Variants in PIWIL1 observed in about 807,000 individuals in gnomAD.
PIWIL1 encodes piwi-like protein 1.
A neutral mutation model predicts 114.4 loss-of-function variants in PIWIL1; 73 were observed. The observed-to-expected ratio is 0.64, with a 90% CI of 0.53 to 0.78. PIWIL1 has a LOEUF of 0.78. PIWIL1 is among the 30% of genes least tolerant of loss of function. The pLI, the probability that PIWIL1 is intolerant of heterozygous loss-of-function variation, is 0.00. For synonymous variants in PIWIL1, 375 were observed against 369.0 expected, an observed-to-expected ratio of 1.02 and a Z score of -0.19; for missense variants, 723 against 1,063.1, an observed-to-expected ratio of 0.68 and a Z score of 4.45.
chr12:130,352,421 G>A (rs1248737462), intron 9 of PIWIL1, among the ~76,000 whole-genome samples: 2 of 152,198 alleles, frequency 1.3e-5, no homozygotes, highest in Non-Finnish European at 2.9e-5. Flanking sequence ...GGTCATGCCT[G>A]CAATCCCAGC....
chr12:130,400,373 C>A, the PIWIL1 span, among the ~76,000 whole-genome samples: 2 of 152,206 alleles, frequency 1.3e-5, no homozygotes, highest in Non-Finnish European at 2.9e-5. Context: ...CTGTTGATAA[C>A]CTCCTCAGAC....
chr12:130,362,896 C>G (rs2073552606), intron 17 of PIWIL1, 60 bp downstream of exon 17: 1 of 1,609,424 alleles, frequency 6.2e-7, no homozygotes, highest in African/African-American at 1.3e-5. Flanking sequence ...AGAAATTACC[C>G]TGAACTGTGT....
At chr12:130,407,848 G>A in the PIWIL1 span, 8 of 1,601,352 alleles carry the variant, frequency 5.0e-6, no homozygotes, top group Admixed American at 1.2e-4. Flanking sequence ...ATCACAAGGG[G>A]GAAAGAAATC....
At chr12:130,372,727 C>T (rs897418668), downstream of PIWIL1, 5 of 147,892 alleles carry the variant, frequency 3.4e-5, no homozygotes, top group African/African-American at 1.3e-4. Flanking sequence ...AGTATAAGAA[C>T]GGGTATCCAC....
intron 19 of PIWIL1, among the ~76,000 whole-genome samples, chr12:130,369,963 G>A (rs1454726622): frequency 1.3e-5 from 2 of 152,162 alleles, no homozygotes; most frequent in Non-Finnish European, 2.9e-5. Context: ...AAAGTCATCT[G>A]TAATCACCAG....
At chr12:130,350,230 G>A (rs910230875) in intron 9 of PIWIL1, among the ~76,000 whole-genome samples, 1 of 152,172 alleles carries the variant, frequency 6.6e-6, no homozygotes, top group African/African-American at 2.4e-5. Context: ...GAAGCCTATG[G>A]AGGACAAGTA....
chr12:130,357,911 A>G (rs1484024374), intron 14 of PIWIL1, among the ~76,000 whole-genome samples: 3 of 152,206 alleles, frequency 2.0e-5, no homozygotes, highest in East Asian at 1.9e-4. Flanking sequence ...GCGTAATTAC[A>G]TGGAAGCTCC....
Position 130,342,604 on chromosome 12 carries a change from G to T in PIWIL1, c.13G>T (p.Ala5Ser), listed in dbSNP as rs1388528505. 2 of 1,613,402 alleles carry T rather than the reference G, an allele frequency of 1.2e-6. No individual in the cohort carries two copies. Among genetic ancestry groups the T allele is most frequent in the African/African-American group, 1.3e-5 (1 of 75,050 alleles). The change falls in exon 2 of 21, where the codon GCC becomes TCC. Residue 5 changes from alanine (A) to serine (S), a missense_variant. Transcript: ENST00000245255. Reference protein sequence around the residue: MTGRARARARGRARG... With the variant: MTGRSRARARGRARG... ...GAAATAGAAAACAATGACTGGGAGA[G>T]CCCGAGCCAGAGCCAGAGGAAGGGC...
rs2073153752 is a variant in PIWIL1, at chr12:130,349,371, G to A, written c.867G>A (p.Gln289=). ...ATTTCATGTTCAACTTTTATCATCAGACAGAAGAACATAAATTTCAAGAAC... is the reference window on the plus strand; with the variant it reads ...ATTTCATGTTCAACTTTTATCATCAAACAGAAGAACATAAATTTCAAGAAC... The part of the protein sequence containing the change: ...VLDFMFNFYH[Q]TEEHKFQEQV... The change falls in exon 8 of 21, where the codon CAG becomes CAA. Residue 289 remains glutamine, a synonymous_variant. Coordinates refer to ENST00000245255, the MANE Select transcript of PIWIL1 (RefSeq NM_004764.5). 1 of 1,613,560 alleles carries A rather than the reference G, an allele frequency of 6.2e-7. No individual in the cohort carries two copies. Among genetic ancestry groups the A allele is most frequent in the African/African-American group, 1.3e-5 (1 of 74,920 alleles).
intron 1 of PIWIL1, 26 bp downstream of exon 1, chr12:130,338,172 G>T (rs2072763328): frequency 2.1e-5 from 7 of 333,362 alleles, no homozygotes; most frequent in South Asian, 1.6e-4. Flanking sequence ...GAGGTGCTAG[G>T]TGTGCGGGGG....
chr12:130,375,522 C>T (rs996743870), downstream of PIWIL1, among the ~76,000 whole-genome samples: 2 of 152,186 alleles, frequency 1.3e-5, no homozygotes, highest in Admixed American at 6.5e-5. Context: ...GGTGTTGTGG[C>T]GGCACGCACG....
At chr12:130,414,817 A>G in the PIWIL1 span, 2 of 153,238 alleles carry the variant, frequency 1.3e-5, no homozygotes, top group African/African-American at 4.8e-5. Flanking sequence ...TTTCAACTCC[A>G]TATACCACCC....
the PIWIL1 span, chr12:130,414,198 T>C: frequency 6.2e-7 from 1 of 1,614,104 alleles, no homozygotes; most frequent in Non-Finnish European, 8.5e-7. Context: ...GGTGAGCGGG[T>C]CGTAGTCAAA....
chr12:130,369,126 T>C lies in PIWIL1; in HGVS notation c.2321+1868T>C, dbSNP rs112670445. Among the ~76,000 whole-genome samples, 4 of 152,312 alleles carry C rather than the reference T, an allele frequency of 2.6e-5. 1 individual carries two copies. Among genetic ancestry groups the C allele is most frequent in the African/African-American group, 9.6e-5 (4 of 41,572 alleles). ...TGTGTTCTCATTGTTCAACTTCTGC[T>C]TATAAGTGAGAACATGCGGTGTTAA... On this transcript the variant is annotated intron_variant, in intron 19 of 20. Transcript: ENST00000245255.
At chr12:130,375,095 C>G (rs1350586696), downstream of PIWIL1, among the ~76,000 whole-genome samples, 2 of 152,126 alleles carry the variant, frequency 1.3e-5, no homozygotes, top group Non-Finnish European at 2.9e-5. Context: ...CAGCCGCTCC[C>G]CCTCCCTTTG....
At chr12:130,398,044 G>GA in the PIWIL1 span, 115 of 142,398 alleles carry the variant, frequency 8.1e-4, no homozygotes, top group East Asian at 9.0e-3. Context: ...CTGGTTGAAA[G>GA]AAAAAAAAAA....
the PIWIL1 span, chr12:130,424,286 C>T: frequency 3.0e-5 from 37 of 1,231,704 alleles, no homozygotes; most frequent in Admixed American, 4.2e-5. The surrounding 1 kb of genome is among the most constrained non-coding windows in gnomAD (Gnocchi z 9.8). Flanking sequence ...TGGGGGGCGG[C>T]CTCTCCGGGC....
At chr12:130,338,265 C>T (rs1481144045) in intron 1 of PIWIL1, 119 bp downstream of exon 1, 7 of 306,138 alleles carry the variant, frequency 2.3e-5, no homozygotes, top group Non-Finnish European at 4.4e-5. Flanking sequence ...GGGGCGAGGT[C>T]CCAGGTGCGG....
downstream of PIWIL1, among the ~76,000 whole-genome samples, chr12:130,374,644 G>C (rs2073852866): frequency 6.6e-6 from 1 of 152,134 alleles, no homozygotes; most frequent in Non-Finnish European, 1.5e-5. Context: ...CTGCACTGCG[G>C]AGTCCAGCGC....
Sources: gnomAD v4.1 joint callset for allele counts (sites outside exome capture counted in the v4.1 genomes callset) on GRCh38, gnomAD v4.1.1 for gene constraint, Gnocchi (gnomAD v3.1) non-coding constraint, MANE v1.5 for transcripts, NCBI Gene and HGNC (gene_info 2026-07-23, HGNC 2026-07-21) for gene names.